The following SNAP25 variants were observed in gnomAD, a reference collection of about 807,000 sequenced individuals.
SNAP25 encodes the protein synaptosomal-associated protein 25.
In SNAP25, 3 loss-of-function variants were observed where a neutral mutation model predicts 28.7. That is an observed-to-expected ratio of 0.10 (90% CI 0.05 to 0.27). The LOEUF is 0.27. Ranked by LOEUF, SNAP25 falls within the 10% of genes least tolerant of loss-of-function variation. The pLI, the probability that SNAP25 is intolerant of heterozygous loss-of-function variation, is 1.00. For missense variants in SNAP25, 117 were observed against 278.7 expected (o/e 0.42, Z 4.13); for synonymous variants, 61 against 88.1 (o/e 0.69, Z 1.72).
At chr20:10,278,962 T>C (rs1356630510) in intron 3 of SNAP25, among the ~76,000 whole-genome samples, 1 of 151,368 alleles carries the variant, frequency 6.6e-6, no homozygotes, top group African/African-American at 2.4e-5. Context: ...CGTAACAAAA[T>C]CTGTTATCCC....
intron 4 of SNAP25, among the ~76,000 whole-genome samples, chr20:10,286,071 T>C (rs2063871357): frequency 1.3e-5 from 2 of 152,210 alleles, no homozygotes; most frequent in African/African-American, 4.8e-5. Flanking sequence ...GATATACATT[T>C]ACAGTTATAT....
At chr20:10,260,746 C>G (rs6032832) in intron 1 of SNAP25, among the ~76,000 whole-genome samples, 134,841 of 151,976 alleles carry the variant, frequency 0.89, 59,917 homozygotes, top group Middle Eastern at 0.95. Context: ...CACACATCTG[C>G]CTTATATTAT....
chr20:10,239,915 G>A (rs2062994359), intron 1 of SNAP25, among the ~76,000 whole-genome samples: 2 of 152,170 alleles, frequency 1.3e-5, no homozygotes, highest in Non-Finnish European at 2.9e-5. Context: ...GAACCCGGGT[G>A]TATTCATTAG....
chr20:10,230,081 C>T (rs1167218086), intron 1 of SNAP25, among the ~76,000 whole-genome samples: 1 of 152,126 alleles, frequency 6.6e-6, no homozygotes, highest in East Asian at 1.9e-4. Flanking sequence ...TTTTCCCACC[C>T]ATACCCCCAA....
At chr20:10,225,558 T>C (rs1307927729) in intron 1 of SNAP25, among the ~76,000 whole-genome samples, 1 of 152,200 alleles carries the variant, frequency 6.6e-6, no homozygotes, top group East Asian at 1.9e-4. Context: ...TCTTTGGTTG[T>C]GGAAAAATAT....
chr20:10,286,718 A>C (rs751071633), intron 4 of SNAP25, among the ~76,000 whole-genome samples: 1 of 152,196 alleles, frequency 6.6e-6, no homozygotes, highest in Admixed American at 6.5e-5. Context: ...ATATATACCA[A>C]TTGATCCAAA....
intron 1 of SNAP25, chr20:10,219,699 G>C (rs1219371680): frequency 6.6e-6 from 1 of 152,308 alleles, no homozygotes; most frequent in East Asian, 1.9e-4. Context: ...CGGTCCGGCC[G>C]CAGCGCCTCA....
chr20:10,276,458 A>G (rs1466425569), intron 2 of SNAP25, among the ~76,000 whole-genome samples: 1 of 152,254 alleles, frequency 6.6e-6, no homozygotes, highest in Non-Finnish European at 1.5e-5. Flanking sequence ...GTCTGCAGCC[A>G]TTATACTATG....
intron 1 of SNAP25, among the ~76,000 whole-genome samples, chr20:10,229,261 T>C (rs1297871422): frequency 6.6e-6 from 1 of 152,108 alleles, no homozygotes; most frequent in African/African-American, 2.4e-5. Flanking sequence ...TTAAGGATTT[T>C]TGTTGGGGGC....
chr20:10,305,492 T>G (rs2064333189), intron 7 of SNAP25, among the ~76,000 whole-genome samples: 1 of 152,124 alleles, frequency 6.6e-6, no homozygotes, highest in African/African-American at 2.4e-5. Context: ...CAATGAGCTA[T>G]GATCACACCG....
chr20:10,237,187 C>G (rs1568577826), intron 1 of SNAP25, among the ~76,000 whole-genome samples: 2 of 152,144 alleles, frequency 1.3e-5, no homozygotes, highest in South Asian at 2.1e-4. Context: ...AGTTTGCCAG[C>G]TGCTGGGGCT....
intron 3 of SNAP25, among the ~76,000 whole-genome samples, chr20:10,281,923 G>C (rs1242197756): frequency 6.6e-6 from 1 of 152,146 alleles, no homozygotes; most frequent in African/African-American, 2.4e-5. Flanking sequence ...CTCCCCATTT[G>C]ACAGCTGGGA....
At chr20:10,278,456 C>A (rs905157659) in intron 3 of SNAP25, among the ~76,000 whole-genome samples, 4 of 152,032 alleles carry the variant, frequency 2.6e-5, no homozygotes, top group Non-Finnish European at 4.4e-5. Context: ...GTCGGCCAGG[C>A]AAAATAAATG....
At chr20:10,281,741 C>T (rs530887966) in intron 3 of SNAP25, among the ~76,000 whole-genome samples, 1 of 152,326 alleles carries the variant, frequency 6.6e-6, no homozygotes, top group African/African-American at 2.4e-5. Flanking sequence ...AAGAAAGGAT[C>T]TAAGGAAACA....
At chr20:10,232,079 C>T (rs1229164896) in intron 1 of SNAP25, among the ~76,000 whole-genome samples, 1 of 152,186 alleles carries the variant, frequency 6.6e-6, no homozygotes, top group Non-Finnish European at 1.5e-5. Flanking sequence ...TCCCAGTGTG[C>T]AAACATTACC....
intron 1 of SNAP25, among the ~76,000 whole-genome samples, chr20:10,242,420 TC>T (rs1001029887): frequency 6.6e-6 from 1 of 152,138 alleles, no homozygotes; most frequent in African/African-American, 2.4e-5. Flanking sequence ...GGGAGGGGGT[TC>T]CTGTGTCTCA....
rs535344166 is a variant in SNAP25, at chr20:10,263,211, G to T, written c.-63-12218G>T. On this transcript the variant is annotated intron_variant, in intron 1 of 7. Transcript: ENST00000254976. ...TTTTTTTGTATTTTTGGTAGAGACGGGGTTTCACTGGCTTAGCCAGGATGG... is the reference window on the plus strand; with the variant it reads ...TTTTTTTGTATTTTTGGTAGAGACGTGGTTTCACTGGCTTAGCCAGGATGG... 3.0e-3 allele frequency among the ~76,000 whole-genome samples: 462 copies of T among 151,894 alleles called. 4 individuals are homozygous for T. The highest frequency in any genetic ancestry group is 0.01 in the African/African-American group (433 of 41,448).
intron 1 of SNAP25, among the ~76,000 whole-genome samples, chr20:10,241,905 A>T (rs2063040964): frequency 6.6e-6 from 1 of 152,070 alleles, no homozygotes; most frequent in South Asian, 2.1e-4. Flanking sequence ...ATACCATCTG[A>T]TTTATCTTTC....
In SNAP25 at chr20:10,305,361, G is replaced by A. The variant is rs6133849; in HGVS notation, c.553-768G>A. Among the ~76,000 whole-genome samples the A allele has an allele frequency of 3.5e-4, 53 of 152,266 alleles. 1 individual carries two copies. Among genetic ancestry groups the A allele is most frequent in the Non-Finnish European group, 6.9e-4 (47 of 68,020 alleles). On this transcript the variant is annotated intron_variant, in intron 7 of 7. Transcript: ENST00000254976. ...GTTTGAGACCAGCCTGGGCAACATAGTGAGATCTCATCTATACAAAAAATA... is the reference window on the plus strand; with the variant it reads ...GTTTGAGACCAGCCTGGGCAACATAATGAGATCTCATCTATACAAAAAATA...
Sources: allele counts gnomAD v4.1 joint callset (sites outside exome capture counted in the v4.1 genomes callset), GRCh38; gene constraint gnomAD v4.1.1; transcripts MANE v1.5; gene names NCBI Gene and HGNC (gene_info 2026-07-23, HGNC 2026-07-21).